PRELID2: variants seen among roughly 807,000 people sequenced by gnomAD.
PRELID2 encodes the protein PRELI domain containing 2.
PRELID2 carries 25 observed loss-of-function variants against 28.4 expected under a neutral mutation model. That is an observed-to-expected ratio of 0.88 (90% CI 0.64 to 1.23). The LOEUF is 1.23. Ranked by LOEUF, PRELID2 falls within the 50% of genes most tolerant of loss-of-function variation. The pLI is 0.00. For missense variants in PRELID2, 201 were observed against 214.4 expected (o/e 0.94, Z 0.39); for synonymous variants, 76 against 71.6 (o/e 1.06, Z -0.31).
the PRELID2 span, among the ~76,000 whole-genome samples, chr5:145,302,760 G>C: frequency 6.6e-6 from 1 of 151,936 alleles, no homozygotes; most frequent in African/African-American, 2.4e-5. Context: ...CATATAATTA[G>C]CTTGTAAATA....
At chr5:145,774,568 C>T (rs1173050326) in intron 5 of PRELID2, among the ~76,000 whole-genome samples, 2 of 152,184 alleles carry the variant, frequency 1.3e-5, no homozygotes, top group Non-Finnish European at 2.9e-5. Context: ...ATGGGACTCC[C>T]GCAGTGAGGC....
the PRELID2 span, among the ~76,000 whole-genome samples, chr5:145,274,109 A>G: frequency 1.3e-5 from 2 of 152,170 alleles, no homozygotes; most frequent in Admixed American, 1.3e-4. Context: ...ATTTTATAAG[A>G]TTATCAAATT....
chr5:145,624,344 A>G (rs1209779635), intron 1 of PRELID2, among the ~76,000 whole-genome samples: 1 of 152,176 alleles, frequency 6.6e-6, no homozygotes, highest in Non-Finnish European at 1.5e-5. Context: ...AAGGTGAGGG[A>G]GAGGGATGGG....
At chr5:145,264,251 C>A in the PRELID2 span, among the ~76,000 whole-genome samples, 1 of 152,084 alleles carries the variant, frequency 6.6e-6, no homozygotes, top group African/African-American at 2.4e-5. Context: ...AAATCCTCAA[C>A]AAACTAACTG....
intron 1 of PRELID2, among the ~76,000 whole-genome samples, chr5:145,633,486 T>A (rs968811821): frequency 4.6e-5 from 7 of 152,138 alleles, no homozygotes; most frequent in African/African-American, 1.4e-4. Context: ...CAAAGGCAAA[T>A]GGCCAGCAAC....
intron 1 of PRELID2, among the ~76,000 whole-genome samples, chr5:145,716,836 A>G (rs1432249435): frequency 4.6e-5 from 7 of 152,292 alleles, no homozygotes; most frequent in African/African-American, 9.6e-5. Flanking sequence ...TATCTGCACA[A>G]TAACTTTTTA....
chr5:145,375,189 T>C, the PRELID2 span, among the ~76,000 whole-genome samples: 5 of 152,108 alleles, frequency 3.3e-5, no homozygotes, highest in African/African-American at 1.2e-4. Context: ...ATTGTTGTCA[T>C]GTTCTGCTTG....
rs1187683846 is a variant in PRELID2, at chr5:145,564,325, C to G, written n.71-91010G>C. Among the ~76,000 whole-genome samples the G allele has an allele frequency of 2.0e-5, 3 of 152,220 alleles. No individual in the cohort carries two copies. The East Asian group carries it at 5.8e-4, about 29-fold the overall frequency. ...CTTGACTGATTGGGCCCCTGACTTT[C>G]TTGCCACCTCATCTCATGCAGTGCT... On this transcript the variant is annotated intron_variant and non_coding_transcript_variant, in intron 1 of 2. Transcript: ENST00000510259.
intron 1 of PRELID2, among the ~76,000 whole-genome samples, chr5:145,528,939 T>C (rs979697828): frequency 1.9e-4 from 29 of 152,160 alleles, no homozygotes; most frequent in African/African-American, 7.0e-4. Flanking sequence ...TAAAGCTTAC[T>C]ATCAGGCTCT....
Sources: allele counts gnomAD v4.1 joint callset (sites outside exome capture counted in the v4.1 genomes callset), GRCh38; gene constraint gnomAD v4.1.1; transcripts MANE v1.5; gene names NCBI Gene and HGNC (gene_info 2026-07-23, HGNC 2026-07-21).